Variants in ATP2A3 observed in about 807,000 individuals in gnomAD.
The protein encoded by ATP2A3 is ATPase sarcoplasmic/endoplasmic reticulum Ca2+ transporting 3, also known as sarcoplasmic/endoplasmic reticulum calcium ATPase 3.
Under a neutral mutation model 106.8 loss-of-function variants are expected in ATP2A3, and 61 were observed. The ratio of observed to expected loss-of-function variants is 0.57; its 90% CI spans 0.46 to 0.71. The LOEUF (loss-of-function observed/expected upper bound fraction) is 0.71, where lower values mean the gene tolerates loss of function less well. ATP2A3 is among the 30% of genes least tolerant of loss of function. The pLI is 0.00. For synonymous variants in ATP2A3, 611 were observed against 609.3 expected (o/e 1.00, Z -0.04); for missense variants, 1,201 against 1,423.5 (o/e 0.84, Z 2.52).
In ATP2A3 at chr17:3,941,103, G is replaced by A. The variant is rs749352982; in HGVS notation, c.1968C>T (p.Arg656=). 1.1e-5 allele frequency: 17 copies of A among 1,613,974 alleles called. No homozygotes were observed. The highest frequency in any genetic ancestry group is 4.4e-5 in the South Asian group (4 of 91,084). The change falls in exon 14 of 21, where the codon CGC becomes CGT. Residue 656 remains arginine (R), a synonymous_variant. Transcript: ENST00000397041. The part of the protein sequence containing the change: ...EDVAGKAYTG[R]EFDDLSPEQQ... Reference sequence around the variant, plus strand: ...GCTCGGGGCTGAGGTCATCAAACTCGCGGCCCGTGTAGGCCTTGCCCGCCA... The same window carrying A: ...GCTCGGGGCTGAGGTCATCAAACTCACGGCCCGTGTAGGCCTTGCCCGCCA...
At chr17:3,931,339 T>G (rs968894472) in intron 17 of ATP2A3, among the ~76,000 whole-genome samples, 1 of 152,012 alleles carries the variant, frequency 6.6e-6, no homozygotes, top group Non-Finnish European at 1.5e-5. Context: ...GTTTTCTTAC[T>G]GCTCAAAAAC....
At position 3,936,841 on chromosome 17, in the gene ATP2A3, T is replaced by C; in HGVS notation, c.2322-372A>G. On this transcript the variant is annotated intron_variant, in intron 15 of 20. Coordinates refer to ENST00000397041, the MANE Select transcript of ATP2A3 (RefSeq NM_005173.4). The surrounding 1 kb of genome is among the most constrained non-coding windows in gnomAD (Gnocchi z 5.4). ...CATCCGGCAAACACAAGCAAACACCTACATATCTGCCCTGAGGTGCAGAGA... is the reference window on the plus strand; with the variant it reads ...CATCCGGCAAACACAAGCAAACACCCACATATCTGCCCTGAGGTGCAGAGA... 2.8e-6 allele frequency: 1 copy of C among 357,928 alleles called. No homozygotes were observed. Among genetic ancestry groups the C allele is most frequent in the Non-Finnish European group, 5.4e-6 (1 of 184,830 alleles). 22.2% of individuals were successfully genotyped at this position (357,928 alleles called of 1,614,324 possible).
rs2052678479 is a variant in ATP2A3, at chr17:3,925,828, C to CCACT, written c.2981-391_2981-388dup. Among the ~76,000 whole-genome samples, 7 of 152,230 alleles carry CCACT rather than the reference C, an allele frequency of 4.6e-5. No homozygotes were observed. In the South Asian group the frequency reaches 1.5e-3, roughly 32 times the overall value. On this transcript the variant is annotated intron_variant, in intron 20 of 20. Coordinates refer to ENST00000397041, the MANE Select transcript of ATP2A3 (RefSeq NM_005173.4). This position sits in a 1 kb window ranked among gnomAD's most constrained non-coding sequence, Gnocchi z 4.2. ...CCCAAATTGCGAGAGCTCATCTCTC[C>CCACT]CACTGCCTTCCCCAACCAGGCCTCA...
In ATP2A3 at chr17:3,941,578, G is replaced by C. The variant is rs1382549901; in HGVS notation, c.1622C>G (p.Ser541Cys). The C allele has an allele frequency of 6.2e-7, 1 of 1,613,276 alleles. No homozygotes were observed. Among genetic ancestry groups the C allele is most frequent in the Non-Finnish European group, 8.5e-7 (1 of 1,180,042 alleles). Reference sequence around the variant, plus strand: ...GATCTTTGCCAGGATCTGCTCCCTGGAGGTGGGGGTCAGGGGTGCTGTGCG... The same window carrying C: ...GATCTTTGCCAGGATCTGCTCCCTGCAGGTGGGGGTCAGGGGTGCTGTGCG... ...GSRTAPLTPT[S>C]REQILAKIRD... Residue 541 changes from serine to cysteine, a missense_variant, in exon 13 of 21, where the codon TCC becomes TGC. Physicochemically the swap from Ser to Cys is moderately radical, Grantham distance 112 (BLOSUM62 -1). Coordinates refer to ENST00000397041, the MANE Select transcript of ATP2A3 (RefSeq NM_005173.4).
Position 3,925,095 on chromosome 17 carries a change from C to T in ATP2A3, c.*327G>A. ...CACTCGTGATTTGGGGGTGGGGGGG[C>T]CCCGGATCTCTGGGTATGCTGCCAG... On this transcript the variant is annotated 3_prime_UTR_variant, in exon 21 of 21. Coordinates refer to ENST00000397041, the MANE Select transcript of ATP2A3 (RefSeq NM_005173.4). This position sits in a 1 kb window ranked among gnomAD's most constrained non-coding sequence, Gnocchi z 4.2. The T allele has an allele frequency of 5.7e-6, 3 of 530,112 alleles. No individual in the cohort carries two copies. Among genetic ancestry groups the T allele is most frequent in the Non-Finnish European group, 6.8e-6 (2 of 292,826 alleles). 32.8% of individuals were successfully genotyped at this position (530,112 alleles called of 1,614,324 possible). A position where few individuals can be genotyped will look rare whatever the true frequency, so the allele number is the denominator to read the frequency against.
rs559141728 is a variant in ATP2A3 at position 3,945,784 on chromosome 17, A to G, written c.1096-636T>C. 5.3e-5 allele frequency among the ~76,000 whole-genome samples: 8 copies of G among 152,274 alleles called. No individual in the cohort carries two copies. In the South Asian group the frequency reaches 1.7e-3, roughly 32 times the overall value. ...GGGAGACAGTTCTTGCTTCGTGGAC[A>G]TGGCCTCACCGCACATTCTCAAGCA... On this transcript the variant is annotated intron_variant, in intron 8 of 20. Transcript: ENST00000397041.
intron 17 of ATP2A3, 67 bp downstream of exon 17, chr17:3,935,125 A>T: frequency 2.0e-6 from 3 of 1,535,320 alleles, no homozygotes; most frequent in Non-Finnish European, 2.7e-6. Flanking sequence ...CTCTAGACCC[A>T]TCTCCCCTGG....
chr17:3,931,738 G>A (rs2053110984), intron 17 of ATP2A3, among the ~76,000 whole-genome samples: 1 of 152,034 alleles, frequency 6.6e-6, no homozygotes, highest in Non-Finnish European at 1.5e-5. Context: ...AGCCAGGATG[G>A]TCTAGAACTC....
rs1390417806 is a variant in ATP2A3, at chr17:3,947,772, C to G, written c.714G>C (p.Gln238His). The change falls in exon 8 of 21, where the codon CAG becomes CAC. Residue 238 changes from glutamine (Q) to histidine (H), a missense_variant. Physicochemically the swap from Gln to His is conservative, Grantham distance 24. Around this residue, in one of 2 missense-constraint regions of ATP2A3, gnomAD observed 935 missense variants for 1,176.7 expected, o/e 0.79. Coordinates refer to ENST00000397041, the MANE Select transcript of ATP2A3 (RefSeq NM_005173.4). This position sits in a 1 kb window ranked among gnomAD's most constrained non-coding sequence, Gnocchi z 7.7. ...TCCGCTCGGGCTCGACTGCCGCCAT[C>G]TGGCTCCGGATCTTGCCCAGCTCCG... Reference protein sequence around the residue: ...LHTELGKIRSQMAAVEPERTP... With the variant: ...LHTELGKIRSHMAAVEPERTP... The G allele has an allele frequency of 1.9e-6, 3 of 1,603,680 alleles. No homozygotes were observed. The highest frequency in any genetic ancestry group is 2.7e-5 in the African/African-American group (2 of 75,078).
chr17:3,936,725 C>CACGT lies in ATP2A3; in HGVS notation c.2322-257_2322-256insACGT. The CACGT allele has an allele frequency of 8.9e-6, 2 of 224,882 alleles. No homozygotes were observed. The highest frequency in any genetic ancestry group is 1.7e-5 in the Non-Finnish European group (2 of 118,134). 13.9% of individuals were successfully genotyped at this position (224,882 alleles called of 1,614,324 possible). On this transcript the variant is annotated intron_variant, in intron 15 of 20. Transcript: ENST00000397041. This position sits in a 1 kb window ranked among gnomAD's most constrained non-coding sequence, Gnocchi z 5.4. ...TTAGGCCTAGCAGAGGCCAAGTACA[C>CACGT]ACACACACACACACACACACACACA...
At position 3,934,030 on chromosome 17, in the gene ATP2A3, T is replaced by G. The variant is rs944637706; in HGVS notation, c.2610+1162A>C. ...CTTCCGCCTCTCGGGTTCAAGCGAT[T>G]CTCCTGCCTCAGCCTCCCGAGTAGC... is the stretch of plus-strand genomic sequence containing the variant. On this transcript the variant is annotated intron_variant, in intron 17 of 20. Coordinates refer to ENST00000397041, the MANE Select transcript of ATP2A3 (RefSeq NM_005173.4). Among the ~76,000 whole-genome samples, 18 of 151,166 alleles carry G rather than the reference T, an allele frequency of 1.2e-4. 1 individual carries two copies. The highest frequency in any genetic ancestry group is 3.2e-4 in the African/African-American group (13 of 40,640).
intron 1 of ATP2A3, among the ~76,000 whole-genome samples, chr17:3,958,291 A>G (rs1489260041): frequency 3.3e-5 from 5 of 152,262 alleles, no homozygotes; most frequent in Admixed American, 3.3e-4. Flanking sequence ...CGCTCCAGCC[A>G]GAATCACTTG....
At position 3,925,989 on chromosome 17, in the gene ATP2A3, G is replaced by A. The variant is rs899619706; in HGVS notation, c.2981-548C>T. 6.6e-6 allele frequency among the ~76,000 whole-genome samples: 1 copy of A among 151,670 alleles called. No homozygotes were observed. Among genetic ancestry groups the A allele is most frequent in the Non-Finnish European group, 1.5e-5 (1 of 67,932 alleles). ...GGTTCCTCACTGTCCTCAGAGTAAA[G>A]TCTAAGCCCGCCTGTAACCTCCCAG... On this transcript the variant is annotated intron_variant, in intron 20 of 20. Coordinates refer to ENST00000397041, the MANE Select transcript of ATP2A3 (RefSeq NM_005173.4). The surrounding 1 kb of genome is among the most constrained non-coding windows in gnomAD (Gnocchi z 4.2).
chr17:3,951,345 CTCAT>C lies in ATP2A3; in HGVS notation c.365_368del (p.Tyr122CysfsTer7). 6.2e-7 allele frequency: 1 copy of C among 1,613,736 alleles called. No individual in the cohort carries two copies. The highest frequency in any genetic ancestry group is 8.5e-7 in the Non-Finnish European group (1 of 1,179,914). ...AGCGGATCACCTTGCCCATCTCAGG[CTCAT>C]ACTCCTTCAGGGCCTCGATGGCACT... On this transcript the variant is annotated frameshift_variant, in exon 5 of 21. Coordinates refer to ENST00000397041, the MANE Select transcript of ATP2A3 (RefSeq NM_005173.4). LOFTEE classifies it high-confidence loss of function.
intron 1 of ATP2A3, among the ~76,000 whole-genome samples, chr17:3,957,562 G>A (rs1043103527): frequency 2.0e-5 from 3 of 152,198 alleles, no homozygotes; most frequent in Non-Finnish European, 1.5e-5. Flanking sequence ...AGGGGTTTAC[G>A]AGGCTCTGCC....
At chr17:3,938,888 C>T (rs2053590347) in intron 14 of ATP2A3, among the ~76,000 whole-genome samples, 1 of 152,162 alleles carries the variant, frequency 6.6e-6, no homozygotes. Context: ...TTATGTCGGG[C>T]TGGGTGTGGT....
rs745362732 is a variant in ATP2A3 at position 3,941,291 on chromosome 17, C to A, written c.1780G>T (p.Val594Leu). The change falls in exon 14 of 21, where the codon GTG becomes TTG. Residue 594 changes from valine (V) to leucine (L), a missense_variant. Coordinates refer to ENST00000397041, the MANE Select transcript of ATP2A3 (RefSeq NM_005173.4). Reference sequence around the variant, plus strand: ...GGGTCCAGCATGCCTACGCAGCCCACGAAGGTCAGGTCCGTCTGTAGGGAG... The same window carrying A: ...GGGTCCAGCATGCCTACGCAGCCCAAGAAGGTCAGGTCCGTCTGTAGGGAG... Reference protein sequence around the residue: ...FVQYETDLTFVGCVGMLDPPR... With the variant: ...FVQYETDLTFLGCVGMLDPPR... 1 of 1,613,722 alleles carries A rather than the reference C, an allele frequency of 6.2e-7. No homozygotes were observed. Among genetic ancestry groups the A allele is most frequent in the Non-Finnish European group, 8.5e-7 (1 of 1,179,940 alleles).
At chr17:3,927,706 C>T in intron 20 of ATP2A3, 1 of 980,900 alleles carries the variant, frequency 1.0e-6, no homozygotes. Context: ...TGGCTGAGTG[C>T]CCACCTGCAC....
chr17:3,944,317 G>T (rs1280709190), intron 10 of ATP2A3, among the ~76,000 whole-genome samples: 1 of 152,226 alleles, frequency 6.6e-6, no homozygotes, highest in African/African-American at 2.4e-5. Context: ...GACGCCTGCT[G>T]CATGCCCCAT....
Sources: gnomAD v4.1 joint callset for allele counts (sites outside exome capture counted in the v4.1 genomes callset) on GRCh38, gnomAD v4.1.1 for gene constraint, gnomAD v4.1.1 regional missense constraint, Gnocchi (gnomAD v3.1) non-coding constraint, MANE v1.5 for transcripts, NCBI Gene and HGNC (gene_info 2026-07-23, HGNC 2026-07-21) for gene names.